The following ROBO2 variants were observed in gnomAD, a reference collection of about 807,000 sequenced individuals.
The protein encoded by ROBO2 is roundabout homolog 2.
Under a neutral mutation model 160.8 loss-of-function variants are expected in ROBO2, and 53 were observed. That is an observed-to-expected ratio of 0.33 (90% CI 0.26 to 0.41). ROBO2 has a LOEUF of 0.41. Ranked by LOEUF, ROBO2 falls within the 10% of genes least tolerant of loss-of-function variation. The pLI is 1.00. For missense variants in ROBO2, 1,577 were observed against 1,722.4 expected, an observed-to-expected ratio of 0.92 and a Z score of 1.49; for synonymous variants, 664 against 611.7, an observed-to-expected ratio of 1.09 and a Z score of -1.26.
At chr3:77,600,456 C>A (rs1367721390) in intron 19 of ROBO2, among the ~76,000 whole-genome samples, 10 of 152,114 alleles carry the variant, frequency 6.6e-5, no homozygotes, top group African/African-American at 2.2e-4. Context: ...AGTTGTATAG[C>A]AATATTATGT....
chr3:77,108,530 C>A (rs62251787), intron 2 of ROBO2, among the ~76,000 whole-genome samples: 1 of 151,978 alleles, frequency 6.6e-6, no homozygotes, highest in Non-Finnish European at 1.5e-5. Context: ...GTTTCCTAAT[C>A]GTTAAGAGTA....
intron 2 of ROBO2, among the ~76,000 whole-genome samples, chr3:76,582,565 T>C (rs2085767786): frequency 6.6e-6 from 1 of 151,988 alleles, no homozygotes. Flanking sequence ...AATAGAAAAA[T>C]TAAAAAAACA....
intron 2 of ROBO2, among the ~76,000 whole-genome samples, chr3:76,144,955 T>C (rs886361303): frequency 6.6e-6 from 1 of 152,012 alleles, no homozygotes; most frequent in African/African-American, 2.4e-5. Flanking sequence ...GAAAATGACC[T>C]TGTCATACAG....
In ROBO2 at chr3:77,465,345, G is replaced by T. The variant is rs139372608; in HGVS notation, c.389-12069G>T. ...CAAACCATCTCATGCAGCTAAGTAA[G>T]TAGTAACTACAATGTAGAGATTTGC... On this transcript the variant is annotated intron_variant, in intron 2 of 25. Transcript: ENST00000461745. 9.2e-3 allele frequency among the ~76,000 whole-genome samples: 1,403 copies of T among 152,240 alleles called. 19 individuals are homozygous for T. The highest frequency in any genetic ancestry group is 0.031 in the African/African-American group (1,295 of 41,558).
chr3:77,200,267 T>TTATATATATATATATA (rs144644165), intron 2 of ROBO2, among the ~76,000 whole-genome samples: 1 of 46,554 alleles, frequency 2.1e-5, no homozygotes, highest in African/African-American at 5.2e-5. Context: ...CTAACATATT[T>TTATATATATATATATA]TATATATATA....
chr3:76,141,159 C>A (rs28739423), intron 2 of ROBO2, among the ~76,000 whole-genome samples: 3,144 of 8,598 alleles, frequency 0.37, 647 homozygotes, highest in Non-Finnish European at 0.4. Flanking sequence ...CTCTCTCTCT[C>A]TATATATATA....
intron 2 of ROBO2, among the ~76,000 whole-genome samples, chr3:76,378,473 C>T (rs539098151): frequency 6.6e-6 from 1 of 152,208 alleles, no homozygotes; most frequent in African/African-American, 2.4e-5. Flanking sequence ...AAGAAACGTT[C>T]GACGAGTAGG....
intron 2 of ROBO2, among the ~76,000 whole-genome samples, chr3:76,675,210 G>T (rs1309570387): frequency 6.6e-6 from 1 of 152,162 alleles, no homozygotes; most frequent in East Asian, 1.9e-4. Context: ...TCCTCCAGGG[G>T]ACAATTTTCC....
At chr3:77,336,574 T>G (rs2066519507) in intron 2 of ROBO2, among the ~76,000 whole-genome samples, 1 of 152,042 alleles carries the variant, frequency 6.6e-6, no homozygotes. Context: ...GTGTGGTGGA[T>G]GGACTAGGAT....
Position 77,507,611 on chromosome 3 carries a change from C to T in ROBO2, c.806+14229C>T, listed in dbSNP as rs375570928. ...AAAGTTGGGTTAATTTCTACCCAAACGCACAACTATGAGCTATATCTACTT... is the reference window on the plus strand; with the variant it reads ...AAAGTTGGGTTAATTTCTACCCAAATGCACAACTATGAGCTATATCTACTT... On this transcript the variant is annotated intron_variant, in intron 5 of 25. Transcript: ENST00000461745. Among the ~76,000 whole-genome samples the T allele has an allele frequency of 7.2e-5, 11 of 152,236 alleles. No homozygotes were observed. In the South Asian group the frequency reaches 8.3e-4, roughly 11 times the overall value.
chr3:76,779,019 A>G (rs949744813), intron 2 of ROBO2, among the ~76,000 whole-genome samples: 2 of 151,050 alleles, frequency 1.3e-5, no homozygotes, highest in African/African-American at 4.8e-5. Context: ...ATTTGCAAAA[A>G]TAGGTAATCA....
intron 2 of ROBO2, among the ~76,000 whole-genome samples, chr3:77,436,861 T>C (rs77007439): frequency 0.013 from 2,033 of 152,066 alleles, 44 homozygotes; most frequent in African/African-American, 0.044. Context: ...AGGAAATATC[T>C]GTCAACCCAA....
intron 2 of ROBO2, among the ~76,000 whole-genome samples, chr3:76,088,619 A>G (rs187465000): frequency 1.3e-5 from 2 of 152,090 alleles, no homozygotes; most frequent in African/African-American, 2.4e-5. Flanking sequence ...TAAATTACCC[A>G]TGGGTCAAAG....
intron 2 of ROBO2, among the ~76,000 whole-genome samples, chr3:76,965,080 G>A (rs1234239376): frequency 1.3e-5 from 2 of 152,226 alleles, no homozygotes; most frequent in Non-Finnish European, 2.9e-5. Context: ...GTAGATACAA[G>A]AGTAGGTGGA....
At chr3:76,642,909 C>T (rs1364316048) in intron 2 of ROBO2, among the ~76,000 whole-genome samples, 11 of 152,110 alleles carry the variant, frequency 7.2e-5, no homozygotes, top group African/African-American at 2.4e-4. Context: ...CTAAAAAAAT[C>T]ATTAATAATA....
At chr3:77,372,808 T>C (rs989579236) in intron 2 of ROBO2, among the ~76,000 whole-genome samples, 6 of 152,078 alleles carry the variant, frequency 3.9e-5, no homozygotes, top group Non-Finnish European at 5.9e-5. Flanking sequence ...GATAGGATGA[T>C]TGGCAGGGAT....
chr3:76,641,738 TTTTA>T (rs1245082358), intron 2 of ROBO2, among the ~76,000 whole-genome samples: 1 of 152,058 alleles, frequency 6.6e-6, no homozygotes, highest in Non-Finnish European at 1.5e-5. Context: ...GTATGTAGGT[TTTTA>T]TTTATTTATT....
intron 2 of ROBO2, among the ~76,000 whole-genome samples, chr3:76,483,209 A>G (rs1046228660): frequency 2.6e-5 from 4 of 152,008 alleles, no homozygotes; most frequent in Admixed American, 1.3e-4. Flanking sequence ...TTTCTAAGAG[A>G]TATGATACCA....
intron 16 of ROBO2, among the ~76,000 whole-genome samples, chr3:77,584,462 C>T (rs767210803): frequency 5.3e-5 from 8 of 151,984 alleles, no homozygotes; most frequent in Non-Finnish European, 1.0e-4. Flanking sequence ...TGATATAAGC[C>T]GTTCTCATTT....
Sources: allele counts gnomAD v4.1 joint callset (sites outside exome capture counted in the v4.1 genomes callset), GRCh38; gene constraint gnomAD v4.1.1; transcripts MANE v1.5; gene names NCBI Gene and HGNC (gene_info 2026-07-23, HGNC 2026-07-21).